LRRC4C: variants seen among roughly 807,000 people sequenced by gnomAD.
LRRC4C encodes the protein leucine rich repeat containing 4C.
LRRC4C carries 5 observed loss-of-function variants against 33.6 expected under a neutral mutation model. The ratio of observed to expected loss-of-function variants is 0.15; its 90% CI spans 0.08 to 0.31. The LOEUF is 0.31. LRRC4C is among the 10% of genes least tolerant of loss of function. LRRC4C has a pLI of 1.00. For synonymous variants in LRRC4C, 329 were observed against 302.0 expected (o/e 1.09, Z -0.93); for missense variants, 560 against 796.7 (o/e 0.70, Z 3.58).
intron 1 of LRRC4C, among the ~76,000 whole-genome samples, chr11:41,097,191 G>A (rs1590560185): frequency 2.6e-5 from 4 of 152,102 alleles, no homozygotes; most frequent in Admixed American, 2.0e-4. Context: ...CAGTTGTGGC[G>A]TTTCTAACCC....
chr11:40,500,713 A>G (rs1233979611), intron 3 of LRRC4C, among the ~76,000 whole-genome samples: 1 of 152,114 alleles, frequency 6.6e-6, no homozygotes, highest in East Asian at 1.9e-4. Flanking sequence ...CATGGAAATT[A>G]TGAGAGTACA....
chr11:40,169,568 C>G (rs1361091283), intron 5 of LRRC4C, among the ~76,000 whole-genome samples: 1 of 152,010 alleles, frequency 6.6e-6, no homozygotes, highest in African/African-American at 2.4e-5. Context: ...TATATATATG[C>G]ACAGATTTGC....
chr11:40,159,966 A>C (rs1180554158), intron 5 of LRRC4C, among the ~76,000 whole-genome samples: 2 of 152,140 alleles, frequency 1.3e-5, no homozygotes, highest in African/African-American at 2.4e-5. Context: ...AACCCTGTTT[A>C]ATTTTCATAA....
intron 2 of LRRC4C, among the ~76,000 whole-genome samples, chr11:40,848,271 T>C (rs1364359856): frequency 6.6e-6 from 1 of 152,172 alleles, no homozygotes; most frequent in Non-Finnish European, 1.5e-5. Context: ...TCCTGCTTTC[T>C]CCTGTGGGCA....
At chr11:40,722,033 A>G (rs1947044473) in intron 2 of LRRC4C, among the ~76,000 whole-genome samples, 1 of 152,192 alleles carries the variant, frequency 6.6e-6, no homozygotes, top group East Asian at 1.9e-4. Flanking sequence ...GAAAGGAGGG[A>G]ACCCTGGTTA....
At chr11:41,341,244 CTTT>C (rs1470806783) in intron 1 of LRRC4C, among the ~76,000 whole-genome samples, 2 of 151,960 alleles carry the variant, frequency 1.3e-5, no homozygotes, top group Non-Finnish European at 2.9e-5. Flanking sequence ...TGACCTAGTT[CTTT>C]GAGAGAAAAT....
chr11:40,838,942 AG>A (rs1052303507), intron 2 of LRRC4C, among the ~76,000 whole-genome samples: 1 of 152,118 alleles, frequency 6.6e-6, no homozygotes, highest in African/African-American at 2.4e-5. Context: ...CATTCTAGGG[AG>A]GATTTAAGAA....
chr11:41,048,776 T>C (rs943825321), intron 1 of LRRC4C, among the ~76,000 whole-genome samples: 2 of 152,218 alleles, frequency 1.3e-5, no homozygotes, highest in African/African-American at 4.8e-5. Flanking sequence ...ATTAGTCTGG[T>C]TCCTTCTATG....
chr11:40,183,240 C>A (rs2135537620), intron 5 of LRRC4C, among the ~76,000 whole-genome samples: 1 of 152,164 alleles, frequency 6.6e-6, no homozygotes, highest in South Asian at 2.1e-4. Context: ...CATTCGATTG[C>A]AATGGCTATC....
chr11:41,286,145 A>T (rs1046651931), intron 1 of LRRC4C, among the ~76,000 whole-genome samples: 1 of 152,190 alleles, frequency 6.6e-6, no homozygotes. Context: ...TCTCTTTTTA[A>T]GAGCAAGAGG....
chr11:40,590,503 T>G (rs1022619404), intron 3 of LRRC4C, among the ~76,000 whole-genome samples: 1 of 152,216 alleles, frequency 6.6e-6, no homozygotes, highest in Non-Finnish European at 1.5e-5. Flanking sequence ...CCGTCCAGCT[T>G]TTTTCCGTTG....
intron 6 of LRRC4C, among the ~76,000 whole-genome samples, chr11:40,135,399 C>A (rs1002615086): frequency 3.3e-5 from 5 of 152,144 alleles, no homozygotes; most frequent in Non-Finnish European, 7.3e-5. Context: ...GGATTCAATT[C>A]CAAAATGAAT....
intron 1 of LRRC4C, among the ~76,000 whole-genome samples, chr11:41,154,719 C>T (rs1944149665): frequency 6.6e-6 from 1 of 152,092 alleles, no homozygotes; most frequent in Admixed American, 6.6e-5. Flanking sequence ...AGAAGACAGC[C>T]ATTATCATCC....
At chr11:40,866,706 G>A (rs558637644) in intron 2 of LRRC4C, among the ~76,000 whole-genome samples, 1 of 152,150 alleles carries the variant, frequency 6.6e-6, no homozygotes, top group South Asian at 2.1e-4. Context: ...GATGACATTT[G>A]ACTTGCAGCA....
chr11:40,367,432 A>C (rs994580179), intron 3 of LRRC4C, among the ~76,000 whole-genome samples: 1 of 152,150 alleles, frequency 6.6e-6, no homozygotes, highest in Admixed American at 6.5e-5. Context: ...TGCATAATGT[A>C]CAACATTTTG....
intron 1 of LRRC4C, among the ~76,000 whole-genome samples, chr11:41,069,978 G>T (rs1297971499): frequency 6.6e-6 from 1 of 152,014 alleles, no homozygotes; most frequent in Non-Finnish European, 1.5e-5. Flanking sequence ...TAAACAAAAA[G>T]AACAAAACTG....
At chr11:41,127,383 C>A (rs1942795662) in intron 1 of LRRC4C, among the ~76,000 whole-genome samples, 1 of 151,712 alleles carries the variant, frequency 6.6e-6, no homozygotes, top group Admixed American at 6.6e-5. Context: ...CTGAAGAAAT[C>A]TATTTGACAC....
chr11:41,043,790 A>T (rs191330766), intron 1 of LRRC4C, among the ~76,000 whole-genome samples: 1 of 152,148 alleles, frequency 6.6e-6, no homozygotes, highest in Non-Finnish European at 1.5e-5. Context: ...ATGCTAAACA[A>T]TTATTTATAA....
Position 40,114,950 on chromosome 11 carries a change from G to A in LRRC4C, c.1343C>T (p.Thr448Ile). 2 of 1,614,214 alleles carry A rather than the reference G, an allele frequency of 1.2e-6. No individual in the cohort carries two copies. Among genetic ancestry groups the A allele is most frequent in the Non-Finnish European group, 1.7e-6 (2 of 1,180,036 alleles). ...GGTTGAAAAGTAAGAGAAAGGAGTAGTGGTTGCTGCAGTAACATTCAGGGT... is the reference window on the plus strand; with the variant it reads ...GGTTGAAAAGTAAGAGAAAGGAGTAATGGTTGCTGCAGTAACATTCAGGGT... ...SATLNVTAAT[T>I]TPFSYFSTVT... Residue 448 changes from threonine (T) to isoleucine (I), a missense_variant, in exon 7 of 7, where the codon ACT (threonine) becomes ATT (isoleucine). This residue lies in a region of LRRC4C where 455 missense variants were observed against 643.8 expected (regional missense o/e 0.71). Transcript: ENST00000528697.
Sources: allele counts gnomAD v4.1 joint callset (sites outside exome capture counted in the v4.1 genomes callset), GRCh38; gene constraint gnomAD v4.1.1; regional missense constraint gnomAD v4.1.1; transcripts MANE v1.5; gene names NCBI Gene and HGNC (gene_info 2026-07-23, HGNC 2026-07-21).